Variants in SLC25A24 observed in about 807,000 individuals in gnomAD.
The protein encoded by SLC25A24 is mitochondrial adenyl nucleotide antiporter SLC25A24.
In SLC25A24, 49 loss-of-function variants were observed where a neutral mutation model predicts 60.7. The ratio of observed to expected loss-of-function variants is 0.81; its 90% confidence interval spans 0.64 to 1.02. The LOEUF is 1.02. SLC25A24 is among the 50% of genes least tolerant of loss of function. The pLI is 0.00. For synonymous variants in SLC25A24, 202 were observed against 200.6 expected, an observed-to-expected ratio of 1.01 and a Z score of -0.06; for missense variants, 564 against 586.3, an observed-to-expected ratio of 0.96 and a Z score of 0.39.
At position 108,134,133 on chromosome 1, in the gene SLC25A24, G is replaced by C. The variant is rs534619954; in HGVS notation, c.*2520C>G. 1.3e-5 allele frequency: 2 copies of C among 152,210 alleles called. No homozygotes were observed. The highest frequency in any genetic ancestry group is 4.8e-5 in the African/African-American group (2 of 41,454). The allele number at this position is 152,210 out of a possible 1,614,324, so 9.4% of individuals were successfully genotyped here. A position where few individuals can be genotyped will look rare whatever the true frequency, so the allele number is the denominator to read the frequency against. On this transcript the variant is annotated 3_prime_UTR_variant, in exon 10 of 10. Coordinates refer to ENST00000565488, the MANE Select transcript of SLC25A24 (RefSeq NM_013386.5). Reference sequence around the variant, plus strand: ...AGCATTTTTCTAACAAAGATTCCCTGAGAACAGAGGAGCAGATGCTGGCAA... The same window carrying C: ...AGCATTTTTCTAACAAAGATTCCCTCAGAACAGAGGAGCAGATGCTGGCAA...
intron 6 of SLC25A24, among the ~76,000 whole-genome samples, chr1:108,150,196 G>A (rs1178381978): frequency 6.6e-6 from 1 of 152,130 alleles, no homozygotes; most frequent in African/African-American, 2.4e-5. Flanking sequence ...CAGAGTAAAC[G>A]TTTAGTGACT....
At chr1:108,167,035 T>C (rs1462607572) in intron 3 of SLC25A24, among the ~76,000 whole-genome samples, 5 of 149,174 alleles carry the variant, frequency 3.4e-5, no homozygotes, top group Admixed American at 6.7e-5. Context: ...TGCAGGTCTG[T>C]TGGAGTAACC....
In SLC25A24 at chr1:108,136,804, A is replaced by G; in HGVS notation, c.1283T>C (p.Val428Ala). Residue 428 changes from valine (V) to alanine (A), a missense_variant, in exon 10 of 10, where the codon GTT becomes GCT. Coordinates refer to ENST00000565488, the MANE Select transcript of SLC25A24 (RefSeq NM_013386.5). ...GGAAATAATTCGTCGAAAGAGGCCA[A>G]CCATATTCAGCTGTGGGGAACCTTC... ...MLEGSPQLNM[V>A]GLFRRIISKE... 1 of 1,614,104 alleles carries G rather than the reference A, an allele frequency of 6.2e-7. No homozygotes were observed. The highest frequency in any genetic ancestry group is 8.5e-7 in the Non-Finnish European group (1 of 1,179,988).
intron 4 of SLC25A24, 135 bp downstream of exon 4, chr1:108,161,047 A>T: frequency 1.8e-6 from 1 of 556,702 alleles, no homozygotes; most frequent in South Asian, 2.8e-5. Context: ...TAATAGAATA[A>T]ATAGAACTCT....
rs1679933769 is a variant in SLC25A24 at position 108,157,489 on chromosome 1, A to C, written c.642T>G (p.Pro214=). Residue 214 remains proline (P), a synonymous_variant, in exon 5 of 10, where the codon CCT becomes CCG. Transcript: ENST00000565488. ...AGAVSRTSTA[P]LDRLKIMMQV... is the part of the protein sequence containing the mutation. ...GCATCATGATTTTCAGACGGTCCAAAGGGGCAGTGCTTGTTCGAGAGACAG... is the reference window on the plus strand; with the variant it reads ...GCATCATGATTTTCAGACGGTCCAACGGGGCAGTGCTTGTTCGAGAGACAG... The C allele has an allele frequency of 6.2e-7, 1 of 1,614,056 alleles. No homozygotes were observed. Among genetic ancestry groups the C allele is most frequent in the Non-Finnish European group, 8.5e-7 (1 of 1,180,020 alleles).
rs150505550 is a variant in SLC25A24 at position 108,189,740 on chromosome 1, C to T, written c.184-3786G>A. Among the ~76,000 whole-genome samples the T allele has an allele frequency of 7.3e-5, 11 of 149,962 alleles. 1 individual carries two copies. The East Asian group carries it at 2.2e-3, about 29-fold the overall frequency. ...TTGAGGCACAAGAATTGCTTGAACC[C>T]GGTAGACAGAGGTTGCAGTGAACCA... On this transcript the variant is annotated intron_variant, in intron 1 of 9. Transcript: ENST00000565488.
chr1:108,159,643 T>G (rs1468137436), intron 4 of SLC25A24, among the ~76,000 whole-genome samples: 1 of 151,666 alleles, frequency 6.6e-6, no homozygotes, highest in East Asian at 1.9e-4. Context: ...CCTGGGTACT[T>G]GAGATTAGGG....
chr1:108,155,143 TA>T lies in SLC25A24; in HGVS notation c.670-9del. ...TGATTTTGAACCGTGAACCTAAAAA[TA>T]AAAGCAGAATGATATAAAATGCTGG... On this transcript the variant is annotated splice_polypyrimidine_tract_variant and intron_variant, in intron 5 of 9. Transcript: ENST00000565488. The T allele has an allele frequency of 6.2e-7, 1 of 1,605,002 alleles. No homozygotes were observed. Among genetic ancestry groups the T allele is most frequent in the Non-Finnish European group, 8.5e-7 (1 of 1,175,876 alleles).
At chr1:108,196,638 C>T (rs557905719) in intron 1 of SLC25A24, among the ~76,000 whole-genome samples, 1 of 152,346 alleles carries the variant, frequency 6.6e-6, no homozygotes, top group African/African-American at 2.4e-5. Flanking sequence ...GTTCCAGACA[C>T]TGGAAGTCCT....
At chr1:108,161,345 C>T (rs775756251) in intron 3 of SLC25A24, 52 bp from the exon 4 acceptor site, 1 of 937,678 alleles carries the variant, frequency 1.1e-6, no homozygotes, top group Non-Finnish European at 1.7e-6. Flanking sequence ...ATAAATAAAA[C>T]TAACATTATT....
intron 3 of SLC25A24, among the ~76,000 whole-genome samples, chr1:108,161,651 A>G (rs1001572873): frequency 6.6e-6 from 1 of 152,218 alleles, no homozygotes; most frequent in Non-Finnish European, 1.5e-5. Context: ...CACTTAGTGG[A>G]TCATGAAGAT....
intron 4 of SLC25A24, among the ~76,000 whole-genome samples, chr1:108,160,016 G>T (rs1343640551): frequency 6.6e-6 from 1 of 151,288 alleles, no homozygotes; most frequent in Non-Finnish European, 1.5e-5. Context: ...CGGGCAGAGG[G>T]GCTCCTCACT....
intron 3 of SLC25A24, among the ~76,000 whole-genome samples, chr1:108,178,005 A>T (rs1647748043): frequency 6.6e-6 from 1 of 152,074 alleles, no homozygotes; most frequent in Admixed American, 6.6e-5. Flanking sequence ...TTTACTAAAA[A>T]TACAAAAATT....
intron 3 of SLC25A24, among the ~76,000 whole-genome samples, chr1:108,177,024 G>C (rs1420090377): frequency 6.6e-6 from 1 of 152,070 alleles, no homozygotes; most frequent in Non-Finnish European, 1.5e-5. Flanking sequence ...GTAGGAAAGA[G>C]AAAACTATTA....
At chr1:108,187,546 A>G (rs1036496506) in intron 1 of SLC25A24, among the ~76,000 whole-genome samples, 3 of 152,204 alleles carry the variant, frequency 2.0e-5, no homozygotes, top group African/African-American at 7.2e-5. Flanking sequence ...AAGTGAGATA[A>G]CAAACGCCTA....
intron 7 of SLC25A24, among the ~76,000 whole-genome samples, chr1:108,146,205 GCTCT>G (rs953289737): frequency 1.2e-4 from 18 of 152,008 alleles, no homozygotes; most frequent in Admixed American, 2.0e-4. Context: ...TCGTGATTTG[GCTCT>G]CTGTTTGTGT....
At chr1:108,183,385 C>T (rs980730705) in intron 2 of SLC25A24, among the ~76,000 whole-genome samples, 33 of 152,190 alleles carry the variant, frequency 2.2e-4, no homozygotes, top group Non-Finnish European at 4.4e-5. Flanking sequence ...GGTTAATTCT[C>T]ATTATTCACA....
In SLC25A24 at chr1:108,185,339, T is replaced by C. The variant is rs1648083186; in HGVS notation, c.310+489A>G. 2.0e-5 allele frequency among the ~76,000 whole-genome samples: 3 copies of C among 152,330 alleles called. No individual in the cohort carries two copies. In the South Asian group the frequency reaches 6.2e-4, roughly 32 times the overall value. On this transcript the variant is annotated intron_variant, in intron 2 of 9. Coordinates refer to ENST00000565488, the MANE Select transcript of SLC25A24 (RefSeq NM_013386.5). ...CACACTTAAACGTTTATATGCTATT[T>C]TTCCCTAATTTCCAGGATCAGAGAT...
intron 1 of SLC25A24, chr1:108,192,367 C>A: frequency 1.6e-6 from 1 of 618,180 alleles, no homozygotes; most frequent in Non-Finnish European, 2.7e-6. Context: ...TAACGCTGGT[C>A]AACGACCTGA....
Sources: gnomAD v4.1 joint callset for allele counts (sites outside exome capture counted in the v4.1 genomes callset) on GRCh38, gnomAD v4.1.1 for gene constraint, MANE v1.5 for transcripts, NCBI Gene and HGNC (gene_info 2026-07-23, HGNC 2026-07-21) for gene names.